Variants in ROBO1 observed in about 807,000 individuals in gnomAD.
The protein encoded by ROBO1 is roundabout guidance receptor 1, also known as roundabout homolog 1.
ROBO1 carries 149 observed loss-of-function variants against 195.9 expected under a neutral mutation model. The ratio of observed to expected loss-of-function variants is 0.76; its 90% CI spans 0.67 to 0.87. The LOEUF is 0.87. Among genes scored for constraint, ROBO1 ranks in the 40% least tolerant of loss-of-function variants. ROBO1 has a pLI of 0.00. For missense variants in ROBO1, 1,933 were observed against 2,068.3 expected (o/e 0.93, Z 1.27); for synonymous variants, 816 against 733.2 (o/e 1.11, Z -1.82).
At chr3:79,369,136 T>C (rs2036090965) in intron 2 of ROBO1, among the ~76,000 whole-genome samples, 1 of 152,176 alleles carries the variant, frequency 6.6e-6, no homozygotes, top group South Asian at 2.1e-4. Flanking sequence ...GTTTTGTGTA[T>C]ACATCATCAA....
At chr3:79,686,032 G>T (rs1422848868) in intron 1 of ROBO1, among the ~76,000 whole-genome samples, 1 of 152,134 alleles carries the variant, frequency 6.6e-6, no homozygotes, top group East Asian at 1.9e-4. Flanking sequence ...CCATGATCAA[G>T]TGGGTTTCAT....
intron 2 of ROBO1, among the ~76,000 whole-genome samples, chr3:79,573,125 C>T (rs1302990199): frequency 1.3e-5 from 2 of 152,164 alleles, no homozygotes; most frequent in Admixed American, 6.5e-5. Flanking sequence ...TCATGGCTCA[C>T]TGCAGCCTCC....
At chr3:78,811,054 T>A (rs1659928523) in intron 4 of ROBO1, among the ~76,000 whole-genome samples, 1 of 152,078 alleles carries the variant, frequency 6.6e-6, no homozygotes, top group Admixed American at 6.6e-5. Context: ...TTACATGAAA[T>A]TATGCTCTCT....
intron 4 of ROBO1, among the ~76,000 whole-genome samples, chr3:78,753,128 G>A (rs2082839541): frequency 6.6e-6 from 1 of 152,034 alleles, no homozygotes; most frequent in South Asian, 2.1e-4. Flanking sequence ...TGAACACAAG[G>A]CATTGCAGAT....
At chr3:79,714,923 C>T (rs991618277) in intron 1 of ROBO1, among the ~76,000 whole-genome samples, 1 of 150,966 alleles carries the variant, frequency 6.6e-6, no homozygotes, top group African/African-American at 2.4e-5. Flanking sequence ...GGGTGCAGCA[C>T]ACCAACATGG....
intron 4 of ROBO1, among the ~76,000 whole-genome samples, chr3:78,767,790 G>A (rs2083267791): frequency 6.6e-6 from 1 of 151,994 alleles, no homozygotes; most frequent in African/African-American, 2.4e-5. Flanking sequence ...TTGTTTCTTA[G>A]TGAGGTTATT....
intron 4 of ROBO1, among the ~76,000 whole-genome samples, chr3:78,870,055 C>G (rs1255543429): frequency 6.6e-6 from 1 of 152,104 alleles, no homozygotes; most frequent in Non-Finnish European, 1.5e-5. Flanking sequence ...ACCATGGCAA[C>G]AGAAAACAAA....
intron 2 of ROBO1, among the ~76,000 whole-genome samples, chr3:79,129,836 C>A (rs941786070): frequency 1.3e-5 from 2 of 150,746 alleles, no homozygotes; most frequent in Non-Finnish European, 3.0e-5. Flanking sequence ...AATCTTTAAT[C>A]CATCTTGAAT....
At chr3:79,675,378 G>A (rs1270893879) in intron 1 of ROBO1, among the ~76,000 whole-genome samples, 1 of 151,942 alleles carries the variant, frequency 6.6e-6, no homozygotes, top group African/African-American at 2.4e-5. Flanking sequence ...AATGGAGGAG[G>A]GAGCTCATAT....
chr3:79,167,739 G>C (rs2081094274), intron 2 of ROBO1, among the ~76,000 whole-genome samples: 1 of 152,192 alleles, frequency 6.6e-6, no homozygotes, highest in African/African-American at 2.4e-5. Context: ...TGGTAATTAA[G>C]ATGTTTGAAG....
chr3:79,067,764 A>G (rs2079027314), intron 3 of ROBO1, among the ~76,000 whole-genome samples: 1 of 151,984 alleles, frequency 6.6e-6, no homozygotes, highest in Admixed American at 6.6e-5. Context: ...ACAAACATTT[A>G]TGTTACATGG....
chr3:79,713,324 T>C (rs996809945), intron 1 of ROBO1, among the ~76,000 whole-genome samples: 2 of 152,100 alleles, frequency 1.3e-5, no homozygotes, highest in East Asian at 3.9e-4. Context: ...TAGTCATAGA[T>C]AGTGGTTCCT....
intron 5 of ROBO1, among the ~76,000 whole-genome samples, chr3:78,725,385 G>C (rs919417341): frequency 6.6e-6 from 1 of 151,988 alleles, no homozygotes; most frequent in Non-Finnish European, 1.5e-5. Context: ...TAAAAAAAAT[G>C]TTTTAGAGAT....
At chr3:79,432,564 T>C (rs2038720647) in intron 2 of ROBO1, among the ~76,000 whole-genome samples, 1 of 152,150 alleles carries the variant, frequency 6.6e-6, no homozygotes, top group South Asian at 2.1e-4. Flanking sequence ...CAAAGCATGA[T>C]AACATTTTGA....
chr3:79,190,829 T>C (rs1199217615), intron 2 of ROBO1, among the ~76,000 whole-genome samples: 1 of 151,664 alleles, frequency 6.6e-6, no homozygotes, highest in Non-Finnish European at 1.5e-5. Context: ...AATAATACCA[T>C]TGTTTCTAGT....
At chr3:78,697,872 G>A (rs1010076932) in intron 8 of ROBO1, among the ~76,000 whole-genome samples, 6 of 152,002 alleles carry the variant, frequency 3.9e-5, no homozygotes, top group Non-Finnish European at 7.4e-5. Context: ...ATTGTAAAGC[G>A]AATGCATCTA....
At chr3:79,183,200 G>A (rs1418125706) in intron 2 of ROBO1, among the ~76,000 whole-genome samples, 1 of 151,556 alleles carries the variant, frequency 6.6e-6, no homozygotes, top group Non-Finnish European at 1.5e-5. Flanking sequence ...TTCCTTTTTA[G>A]AAATAAGGTT....
chr3:79,435,278 G>T (rs565238063), intron 2 of ROBO1, among the ~76,000 whole-genome samples: 1 of 152,210 alleles, frequency 6.6e-6, no homozygotes, highest in East Asian at 1.9e-4. Context: ...GTGAGAGGTG[G>T]TCTTGCTATG....
intron 4 of ROBO1, among the ~76,000 whole-genome samples, chr3:78,880,654 G>A (rs914304798): frequency 5.3e-5 from 8 of 152,158 alleles, no homozygotes; most frequent in Non-Finnish European, 1.2e-4. Flanking sequence ...CCACAACCAG[G>A]CCGCTGCTCT....
Sources: gnomAD v4.1 joint callset for allele counts (sites outside exome capture counted in the v4.1 genomes callset) on GRCh38, gnomAD v4.1.1 for gene constraint, MANE v1.5 for transcripts, NCBI Gene and HGNC (gene_info 2026-07-23, HGNC 2026-07-21) for gene names.